The following WDR41 variants were observed in gnomAD, a reference collection of about 807,000 sequenced individuals.
WDR41 encodes the protein WD repeat-containing protein 41.
In WDR41, 63 loss-of-function variants were observed where a neutral mutation model predicts 69.3. That is an observed-to-expected ratio of 0.91 (90% confidence interval 0.74 to 1.12). The LOEUF (loss-of-function observed/expected upper bound fraction) is 1.12. Among genes scored for constraint, WDR41 ranks in the 50% most tolerant of loss-of-function variants. WDR41 has a pLI of 0.00. For synonymous variants in WDR41, 185 were observed against 192.1 expected, an observed-to-expected ratio of 0.96 and a Z score of 0.31; for missense variants, 543 against 534.5, an observed-to-expected ratio of 1.02 and a Z score of -0.16.
intron 3 of WDR41, among the ~76,000 whole-genome samples, chr5:77,464,103 T>C (rs1800183516): frequency 6.6e-6 from 1 of 152,114 alleles, no homozygotes; most frequent in South Asian, 2.1e-4. Flanking sequence ...TACATTATGC[T>C]ATTACGCAAT....
intron 9 of WDR41, 150 bp downstream of exon 9, chr5:77,440,663 A>G (rs898594662): frequency 4.4e-6 from 3 of 679,316 alleles, no homozygotes; most frequent in African/African-American, 1.8e-5. Flanking sequence ...AACACAAATC[A>G]TCCAATTTTA....
At chr5:77,610,876 T>C (rs1177735742) in intron 1 of WDR41, among the ~76,000 whole-genome samples, 8 of 151,158 alleles carry the variant, frequency 5.3e-5, no homozygotes, top group Non-Finnish European at 1.0e-4. Context: ...GGATAAAGAG[T>C]CAAGACCCAT....
Position 77,489,581 on chromosome 5 carries a change from G to GGAAAA in WDR41, c.52-10_52-9insTTTTC. 4 of 1,003,238 alleles carry GGAAAA rather than the reference G, an allele frequency of 4.0e-6. No homozygotes were observed. The highest frequency in any genetic ancestry group is 2.2e-5 in the African/African-American group (1 of 45,880). The allele number at this position is 1,003,238 out of a possible 1,614,324, so 62.1% of individuals were successfully genotyped here. On this transcript the variant is annotated splice_polypyrimidine_tract_variant and intron_variant, in intron 1 of 12. Coordinates refer to ENST00000296679, the MANE Select transcript of WDR41 (RefSeq NM_018268.4). Reference sequence around the variant, plus strand: ...GTCTGTAAAGGAGATTTCTTGTATTGAAAAAAAAAAAAAAGCAAAAAACAA... The same window carrying GGAAAA: ...GTCTGTAAAGGAGATTTCTTGTATTGGAAAAAAAAAAAAAAAAAAGCAAAAAACAA...
intron 2 of WDR41, among the ~76,000 whole-genome samples, chr5:77,484,574 A>T (rs942873153): frequency 2.6e-5 from 4 of 152,322 alleles, no homozygotes; most frequent in African/African-American, 7.2e-5. Flanking sequence ...GATTCTGGTT[A>T]TACCCTTTTT....
At chr5:77,520,042 C>G (rs2112189043) in intron 1 of WDR41, among the ~76,000 whole-genome samples, 1 of 152,158 alleles carries the variant, frequency 6.6e-6, no homozygotes, top group East Asian at 1.9e-4. Flanking sequence ...GGCACACAGC[C>G]TAACTGGGAA....
intron 2 of WDR41, among the ~76,000 whole-genome samples, chr5:77,477,981 G>C (rs1271468751): frequency 6.6e-6 from 1 of 151,592 alleles, no homozygotes; most frequent in East Asian, 1.9e-4. Context: ...AATAAAAAAT[G>C]ATAAAGGGGA....
At chr5:77,596,416 C>A (rs765730427) in intron 1 of WDR41, among the ~76,000 whole-genome samples, 5 of 152,148 alleles carry the variant, frequency 3.3e-5, no homozygotes, top group Non-Finnish European at 7.3e-5. Flanking sequence ...AGGCATGAGC[C>A]TCCACGCCTG....
In WDR41 at chr5:77,556,095, CTTTTTTTT is replaced by C. The variant is rs34372647; in HGVS notation, c.42+64376_42+64383del. Among the ~76,000 whole-genome samples, 15 of 57,694 alleles carry C rather than the reference CTTTTTTTT, an allele frequency of 2.6e-4. No individual in the cohort carries two copies. In the South Asian group the frequency reaches 0.01, roughly 40 times the overall value. 37.8% of individuals were successfully genotyped at this position (57,694 alleles called of 152,430 possible). ...ACAAAGGTGGTGGGGAAAAGATGGA[CTTTTTTTT>C]TTTTTTTTTTTTTTTTTTTGAGATG... On this transcript the variant is annotated intron_variant, in intron 1 of 5. Transcript: ENST00000509971.
At chr5:77,445,004 G>T (rs1799321319) in intron 8 of WDR41, among the ~76,000 whole-genome samples, 1 of 151,984 alleles carries the variant, frequency 6.6e-6, no homozygotes, top group Non-Finnish European at 1.5e-5. Flanking sequence ...CCAGAAGCTG[G>T]TTTTTTGAAA....
At chr5:77,540,904 T>C (rs1743076852) in intron 1 of WDR41, among the ~76,000 whole-genome samples, 2 of 152,124 alleles carry the variant, frequency 1.3e-5, no homozygotes, top group Non-Finnish European at 2.9e-5. Flanking sequence ...TTGTTTCAAA[T>C]TGGCAGAGGA....
Position 77,456,516 on chromosome 5 carries a change from T to C in WDR41, c.411+2546A>G, listed in dbSNP as rs139717070. Among the ~76,000 whole-genome samples, 417 of 152,338 alleles carry C rather than the reference T, an allele frequency of 2.7e-3. 2 individuals are homozygous for C. The highest frequency in any genetic ancestry group is 9.4e-3 in the African/African-American group (389 of 41,574). ...TTTCTATATACACAAGATCATGTTA[T>C]TTGGGAATAGAGACAGTTTTATGTC... On this transcript the variant is annotated intron_variant, in intron 5 of 12. Transcript: ENST00000296679.
intron 7 of WDR41, 99 bp downstream of exon 7, chr5:77,451,192 A>G: frequency 9.4e-7 from 1 of 1,066,122 alleles, no homozygotes; most frequent in Non-Finnish European, 1.4e-6. Context: ...AGAGTGGGGC[A>G]CACGCAATGT....
chr5:77,554,825 A>T (rs1743362061), intron 1 of WDR41, among the ~76,000 whole-genome samples: 1 of 152,074 alleles, frequency 6.6e-6, no homozygotes, highest in Non-Finnish European at 1.5e-5. Context: ...ATAGCTGATA[A>T]AAGTGCCTAG....
chr5:77,506,552 G>T (rs571030634), intron 1 of WDR41, among the ~76,000 whole-genome samples: 166 of 152,136 alleles, frequency 1.1e-3, no homozygotes, highest in Admixed American at 1.1e-3. Flanking sequence ...TACCCAAAGG[G>T]TTATAAATCA....
intron 1 of WDR41, among the ~76,000 whole-genome samples, chr5:77,596,046 A>T (rs574727407): frequency 1.2e-4 from 18 of 152,296 alleles, no homozygotes; most frequent in Admixed American, 3.3e-4. Flanking sequence ...GTCAAATTCC[A>T]TCATTCAGTC....
intron 1 of WDR41, among the ~76,000 whole-genome samples, chr5:77,599,326 G>A (rs571023061): frequency 6.7e-6 from 1 of 149,598 alleles, no homozygotes; most frequent in African/African-American, 2.5e-5. Flanking sequence ...TCAGCCTCCT[G>A]AGTAGTTGGG....
rs1333652383 is a variant in WDR41, at chr5:77,498,929, C to T, written c.43-9357G>A. On this transcript the variant is annotated intron_variant, in intron 1 of 5. Transcript: ENST00000509971. ...AAGAAAAAATTGATAAATTGTACTA[C>T]ATCAAAATTAACACTTCTGTTCTTT... Among the ~76,000 whole-genome samples the T allele has an allele frequency of 2.0e-5, 3 of 151,840 alleles. No individual in the cohort carries two copies. In the East Asian group the frequency reaches 5.8e-4, roughly 29 times the overall value.
At chr5:77,547,572 T>A (rs1743221985) in intron 1 of WDR41, among the ~76,000 whole-genome samples, 1 of 150,042 alleles carries the variant, frequency 6.7e-6, no homozygotes, top group Non-Finnish European at 1.5e-5. Context: ...ATATACCTAA[T>A]CACGGAGGTG....
intron 2 of WDR41, among the ~76,000 whole-genome samples, chr5:77,480,464 C>A (rs1049830539): frequency 9.9e-5 from 15 of 151,950 alleles, no homozygotes; most frequent in Non-Finnish European, 2.1e-4. Context: ...GAAAATGTGG[C>A]ACATATACAC....
Sources: allele counts gnomAD v4.1 joint callset (sites outside exome capture counted in the v4.1 genomes callset), GRCh38; gene constraint gnomAD v4.1.1; transcripts MANE v1.5; gene names NCBI Gene and HGNC (gene_info 2026-07-23, HGNC 2026-07-21).